Variants in PTGER3 observed in about 807,000 individuals in gnomAD.
The protein encoded by PTGER3 is prostaglandin E2 receptor EP3 subtype.
Under a neutral mutation model 34.7 loss-of-function variants are expected in PTGER3, and 22 were observed. The observed-to-expected ratio is 0.63, with a 90% CI of 0.45 to 0.91. PTGER3 has a LOEUF of 0.91. Among genes scored for constraint, PTGER3 ranks in the 40% least tolerant of loss-of-function variants. The probability of loss-of-function intolerance (pLI) is 0.00; values close to 1 mark genes in which losing one functional copy is unlikely to be tolerated. For missense variants in PTGER3, 468 were observed against 519.4 expected (o/e 0.90, Z 0.96); for synonymous variants, 241 against 230.1 (o/e 1.05, Z -0.43).
intron 4 of PTGER3, among the ~76,000 whole-genome samples, chr1:70,878,217 G>A (rs374983366): frequency 9.9e-5 from 15 of 152,172 alleles, no homozygotes; most frequent in African/African-American, 3.6e-4. Context: ...TATATTTCCA[G>A]GAATTCATCC....
intron 2 of PTGER3, among the ~76,000 whole-genome samples, chr1:70,977,465 C>A (rs915140878): frequency 1.3e-5 from 2 of 152,020 alleles, no homozygotes; most frequent in Admixed American, 1.3e-4. Context: ...TTTCTGCTCA[C>A]CTACACTAGC....
At chr1:70,996,373 A>T (rs974737153) in intron 2 of PTGER3, among the ~76,000 whole-genome samples, 18 of 152,064 alleles carry the variant, frequency 1.2e-4, no homozygotes, top group African/African-American at 4.1e-4. Context: ...CTGTTGATTT[A>T]AAAAAACTTC....
At chr1:70,931,120 C>T (rs1238703045) in intron 4 of PTGER3, among the ~76,000 whole-genome samples, 2 of 152,140 alleles carry the variant, frequency 1.3e-5, no homozygotes, top group Non-Finnish European at 2.9e-5. Context: ...GTTTCAGGGC[C>T]CATGCAAGTC....
At chr1:71,011,465 CCACTT>C in intron 2 of PTGER3, 1 of 985,286 alleles carries the variant, frequency 1.0e-6, no homozygotes. Flanking sequence ...TTCTGAAAAA[CCACTT>C]CACGACTCTC....
At chr1:71,036,848 AAAG>A (rs1291814401) in intron 1 of PTGER3, among the ~76,000 whole-genome samples, 1 of 151,876 alleles carries the variant, frequency 6.6e-6, no homozygotes, top group Non-Finnish European at 1.5e-5. Flanking sequence ...CAAAAAAAAA[AAAG>A]AAAGGGAAAG....
intron 4 of PTGER3, among the ~76,000 whole-genome samples, chr1:70,857,211 A>T (rs1645825840): frequency 6.6e-6 from 1 of 152,190 alleles, no homozygotes; most frequent in African/African-American, 2.4e-5. Flanking sequence ...CATTGTTTTA[A>T]TGTATGTGGC....
At chr1:70,872,055 G>C (rs1428230284) in intron 4 of PTGER3, among the ~76,000 whole-genome samples, 1 of 152,178 alleles carries the variant, frequency 6.6e-6, no homozygotes, top group Non-Finnish European at 1.5e-5. Flanking sequence ...TTGAGGGAAG[G>C]GAGGGAAGAA....
At chr1:70,879,519 A>G (rs571133907) in intron 4 of PTGER3, among the ~76,000 whole-genome samples, 1 of 152,264 alleles carries the variant, frequency 6.6e-6, no homozygotes, top group African/African-American at 2.4e-5. Flanking sequence ...AAGTGCTGGG[A>G]TTATAGGGGT....
Position 70,912,879 on chromosome 1 carries a change from A to G in PTGER3, c.*23+40884T>C, listed in dbSNP as rs1032826436. 2.6e-5 allele frequency among the ~76,000 whole-genome samples: 4 copies of G among 152,168 alleles called. No individual in the cohort carries two copies. The East Asian group carries it at 7.7e-4, about 29-fold the overall frequency. Reference sequence around the variant, plus strand: ...ATATGTCTATCTTTATATCAGTATTACAATGCTTTTTATTTAACTTTAGCT... The same window carrying G: ...ATATGTCTATCTTTATATCAGTATTGCAATGCTTTTTATTTAACTTTAGCT... On this transcript the variant is annotated intron_variant, in intron 4 of 4. Coordinates refer to the PTGER3 transcript ENST00000370931.
At chr1:70,997,344 A>G (rs565665346) in intron 2 of PTGER3, 35 of 152,328 alleles carry the variant, frequency 2.3e-4, no homozygotes, top group African/African-American at 8.4e-4. Context: ...TTAAAAATAT[A>G]TACATAACAG....
chr1:71,045,559 T>G (rs1039354787), intron 1 of PTGER3, among the ~76,000 whole-genome samples: 2 of 152,096 alleles, frequency 1.3e-5, no homozygotes, highest in Non-Finnish European at 2.9e-5. Context: ...ACACGGACAT[T>G]TCTAGCTAAA....
chr1:70,963,926 C>A (rs1054795730), intron 2 of PTGER3, among the ~76,000 whole-genome samples: 2 of 152,126 alleles, frequency 1.3e-5, no homozygotes, highest in African/African-American at 2.4e-5. Context: ...ATTTTGCTAC[C>A]TAGAAATTTC....
chr1:70,878,260 G>A (rs1228056543), intron 4 of PTGER3, among the ~76,000 whole-genome samples: 1 of 152,110 alleles, frequency 6.6e-6, no homozygotes, highest in East Asian at 1.9e-4. Flanking sequence ...TGTATGCATA[G>A]AGGTGTTCAT....
chr1:70,978,838 A>C (rs1341310197), intron 2 of PTGER3, among the ~76,000 whole-genome samples: 1 of 152,058 alleles, frequency 6.6e-6, no homozygotes, highest in Non-Finnish European at 1.5e-5. Flanking sequence ...AGCTAAAAGG[A>C]GCCTTGGAGA....
At position 70,981,392 on chromosome 1, in the gene PTGER3, T is replaced by TTTCCTTCC. The variant is rs71586957; in HGVS notation, c.1078-7012_1078-7005dup. On this transcript the variant is annotated intron_variant, in intron 2 of 3. Transcript: ENST00000306666. ...CTTTCTTTCTTTCTTTCTTTCTTTC[T>TTTCCTTCC]TTCCTTCCTTCCTTCCTTCCTTCCT... Among the ~76,000 whole-genome samples the TTTCCTTCC allele has an allele frequency of 1.7e-3, 70 of 40,438 alleles. 2 individuals are homozygous for TTTCCTTCC. The highest frequency in any genetic ancestry group is 0.01 in the Middle Eastern group (1 of 98). 26.5% of individuals were successfully genotyped at this position (40,438 alleles called of 152,430 possible). A position where few individuals can be genotyped will look rare whatever the true frequency, so the allele number is the denominator to read the frequency against.
intron 4 of PTGER3, among the ~76,000 whole-genome samples, chr1:70,892,852 AAAAG>A (rs1280207222): frequency 5.2e-4 from 79 of 151,778 alleles, no homozygotes; most frequent in Non-Finnish European, 9.9e-4. Flanking sequence ...AAAAAAAAAA[AAAAG>A]AAAGAAAAAA....
At chr1:70,884,899 T>C (rs1049918591) in intron 4 of PTGER3, among the ~76,000 whole-genome samples, 11 of 152,198 alleles carry the variant, frequency 7.2e-5, no homozygotes, top group African/African-American at 2.7e-4. Context: ...CTCCATCACG[T>C]TCCTAGATTA....
At chr1:70,890,597 C>T (rs912786327) in intron 4 of PTGER3, among the ~76,000 whole-genome samples, 1 of 152,164 alleles carries the variant, frequency 6.6e-6, no homozygotes, top group African/African-American at 2.4e-5. Flanking sequence ...GTTCGTCTAA[C>T]CTTATCCTAA....
At chr1:70,879,557 C>G (rs1355057057) in intron 4 of PTGER3, among the ~76,000 whole-genome samples, 1 of 152,016 alleles carries the variant, frequency 6.6e-6, no homozygotes, top group Non-Finnish European at 1.5e-5. Context: ...CTCCCTCTTT[C>G]TTTTTTGATC....
Sources: gnomAD v4.1 joint callset for allele counts (sites outside exome capture counted in the v4.1 genomes callset) on GRCh38, gnomAD v4.1.1 for gene constraint, MANE v1.5 for transcripts, NCBI Gene and HGNC (gene_info 2026-07-23, HGNC 2026-07-21) for gene names.